The following ADGB variants were observed in gnomAD, a reference collection of about 807,000 sequenced individuals.
ADGB encodes the protein androglobin, also known as calpain-7-like protein.
In ADGB, 172 loss-of-function variants were observed where a neutral mutation model predicts 210.5. The observed-to-expected ratio is 0.82, with a 90% CI of 0.72 to 0.93. ADGB has a LOEUF of 0.93. Among genes scored for constraint, ADGB ranks in the 40% least tolerant of loss-of-function variants. The probability of loss-of-function intolerance (pLI) is 0.00; values close to 1 mark genes in which losing one functional copy is unlikely to be tolerated. For missense variants in ADGB, 2,025 were observed against 1,964.8 expected, an observed-to-expected ratio of 1.03 and a Z score of -0.58; for synonymous variants, 658 against 662.7, an observed-to-expected ratio of 0.99 and a Z score of 0.11.
At chr6:146,631,711 T>G (rs977523991) in intron 1 of ADGB, among the ~76,000 whole-genome samples, 4 of 152,088 alleles carry the variant, frequency 2.6e-5, no homozygotes, top group African/African-American at 9.7e-5. Context: ...AAATCCTACC[T>G]GTGGAGGCAC....
intron 33 of ADGB, among the ~76,000 whole-genome samples, chr6:146,790,548 T>C (rs886787934): frequency 6.6e-5 from 10 of 152,224 alleles, no homozygotes; most frequent in Non-Finnish European, 1.3e-4. Context: ...CTGAAGAGCA[T>C]TCCATTGTGT....
intron 3 of ADGB, among the ~76,000 whole-genome samples, chr6:146,651,008 T>C (rs1775693626): frequency 1.3e-5 from 2 of 152,198 alleles, no homozygotes; most frequent in Non-Finnish European, 1.5e-5. Context: ...CAGAGGATTT[T>C]TAGGTGCATT....
chr6:146,630,826 T>C (rs1417742220), intron 1 of ADGB, among the ~76,000 whole-genome samples: 2 of 152,194 alleles, frequency 1.3e-5, no homozygotes, highest in Admixed American at 1.3e-4. Flanking sequence ...ATAAGAAAGC[T>C]AACTTTTCAC....
At chr6:146,684,570 T>G (rs551492477) in intron 9 of ADGB, among the ~76,000 whole-genome samples, 1 of 152,102 alleles carries the variant, frequency 6.6e-6, no homozygotes. Context: ...TTCATTCTTT[T>G]TAAAAGGAAT....
rs893284793 is a variant in ADGB, at chr6:146,716,363, G to A, written c.1742-520G>A. ...TCCCAGCACTTTGGGAGGCCGAGGCGGGTGGATCATGAGGTCAGGAGATCG... is the reference window on the plus strand; with the variant it reads ...TCCCAGCACTTTGGGAGGCCGAGGCAGGTGGATCATGAGGTCAGGAGATCG... On this transcript the variant is annotated intron_variant, in intron 14 of 35. Transcript: ENST00000397944. Among the ~76,000 whole-genome samples, 5 of 127,740 alleles carry A rather than the reference G, an allele frequency of 3.9e-5. No homozygotes were observed. In the South Asian group the frequency reaches 6.3e-4, roughly 16 times the overall value. 83.8% of individuals were successfully genotyped at this position (127,740 alleles called of 152,430 possible).
intron 35 of ADGB, among the ~76,000 whole-genome samples, chr6:146,804,517 A>T (rs527534978): frequency 3.7e-4 from 57 of 152,136 alleles, no homozygotes; most frequent in African/African-American, 1.3e-3. Flanking sequence ...GTCAATACCA[A>T]TTGCATTCTT....
intron 35 of ADGB, among the ~76,000 whole-genome samples, chr6:146,804,786 C>G (rs1003429163): frequency 6.6e-6 from 1 of 152,166 alleles, no homozygotes; most frequent in African/African-American, 2.4e-5. Context: ...ACAAACTAGG[C>G]TTATCCTGTG....
intron 4 of ADGB, 119 bp downstream of exon 4, chr6:146,654,325 TA>T: frequency 2.4e-6 from 1 of 419,576 alleles, no homozygotes; most frequent in Non-Finnish European, 4.3e-6. Flanking sequence ...TGGTATTATA[TA>T]TATATATATA....
At chr6:146,771,027 A>G (rs1777643205) in intron 29 of ADGB, among the ~76,000 whole-genome samples, 1 of 152,026 alleles carries the variant, frequency 6.6e-6, no homozygotes, top group South Asian at 2.1e-4. Flanking sequence ...CTTCGATCTC[A>G]TATTCTTGCC....
chr6:146,600,431 T>G (rs932385072), intron 1 of ADGB: 1 of 180,346 alleles, frequency 5.5e-6, no homozygotes, highest in Non-Finnish European at 1.2e-5. Context: ...ATCTCAGGAT[T>G]GTTCCCACCG....
chr6:146,806,282 G>A (rs144917338), intron 35 of ADGB, among the ~76,000 whole-genome samples: 214 of 152,278 alleles, frequency 1.4e-3, no homozygotes, highest in African/African-American at 5.1e-3. Flanking sequence ...GCCATTTTAA[G>A]AGAAACATGA....
chr6:146,687,231 TACTTCTAA>T (rs1484638120), intron 10 of ADGB, among the ~76,000 whole-genome samples: 1 of 152,106 alleles, frequency 6.6e-6, no homozygotes, highest in Non-Finnish European at 1.5e-5. Context: ...AATCTAAATG[TACTTCTAA>T]AGCCTCTCCC....
At chr6:146,706,659 A>G (rs916783259) in intron 13 of ADGB, among the ~76,000 whole-genome samples, 2 of 152,054 alleles carry the variant, frequency 1.3e-5, no homozygotes, top group Non-Finnish European at 2.9e-5. Context: ...TGTTTCTTCT[A>G]GGTTATCCAA....
chr6:146,766,609 TTCAAAG>T (rs1363801057), intron 28 of ADGB, among the ~76,000 whole-genome samples: 1 of 151,958 alleles, frequency 6.6e-6, no homozygotes, highest in African/African-American at 2.4e-5. Context: ...GAAACGATAA[TTCAAAG>T]TCCTCTAAGT....
chr6:146,800,531 G>A lies in ADGB; in HGVS notation c.4538-652G>A, dbSNP rs555263013. On this transcript the variant is annotated intron_variant, in intron 33 of 35. Coordinates refer to ENST00000397944, the MANE Select transcript of ADGB (RefSeq NM_024694.4). Reference sequence around the variant, plus strand: ...TATATGTGTAAATTATACTTCAGTAGCTTTTTTTTAAAAAAAAAGCAGTGG... The same window carrying A: ...TATATGTGTAAATTATACTTCAGTAACTTTTTTTTAAAAAAAAAGCAGTGG... 6.7e-3 allele frequency among the ~76,000 whole-genome samples: 507 copies of A among 76,152 alleles called. 1 individual carries two copies. Among genetic ancestry groups the A allele is most frequent in the African/African-American group, 0.034 (470 of 13,738 alleles). 50.0% of individuals were successfully genotyped at this position (76,152 alleles called of 152,430 possible).
chr6:146,730,210 G>A (rs1415227069), intron 20 of ADGB, among the ~76,000 whole-genome samples: 1 of 152,080 alleles, frequency 6.6e-6, no homozygotes, highest in African/African-American at 2.4e-5. Flanking sequence ...GGTGCTTGGG[G>A]TTCTTGAGGA....
chr6:146,708,149 T>C (rs1776603268), intron 13 of ADGB, among the ~76,000 whole-genome samples: 1 of 152,074 alleles, frequency 6.6e-6, no homozygotes, highest in African/African-American at 2.4e-5. Context: ...TACAATCTCT[T>C]ATATTGTATA....
chr6:146,690,282 C>T (rs1383444577), intron 10 of ADGB, among the ~76,000 whole-genome samples: 1 of 151,992 alleles, frequency 6.6e-6, no homozygotes, highest in Non-Finnish European at 1.5e-5. Context: ...TGGATTGTGG[C>T]TATTGCATAG....
At chr6:146,758,753 T>C (rs1020538721) in intron 27 of ADGB, among the ~76,000 whole-genome samples, 11 of 151,994 alleles carry the variant, frequency 7.2e-5, no homozygotes, top group Non-Finnish European at 1.0e-4. Flanking sequence ...GTTTTTCTTC[T>C]GACTGCCTTG....
Sources: allele counts gnomAD v4.1 joint callset (sites outside exome capture counted in the v4.1 genomes callset), GRCh38; gene constraint gnomAD v4.1.1; transcripts MANE v1.5; gene names NCBI Gene and HGNC (gene_info 2026-07-23, HGNC 2026-07-21).